The following DPH6 variants were observed in gnomAD, a reference collection of about 807,000 sequenced individuals.
The protein encoded by DPH6 is diphthine--ammonia ligase.
In DPH6, 33 loss-of-function variants were observed where a neutral mutation model predicts 38.2. That is an observed-to-expected ratio of 0.86 (90% CI 0.65 to 1.15). DPH6 has a LOEUF of 1.15. Ranked by LOEUF, DPH6 falls within the 50% of genes most tolerant of loss-of-function variation. The pLI is 0.00. For synonymous variants in DPH6, 108 were observed against 103.0 expected (o/e 1.05, Z -0.30); for missense variants, 325 against 320.0 (o/e 1.02, Z -0.12).
intron 3 of DPH6, among the ~76,000 whole-genome samples, chr15:35,526,795 T>A (rs11073101): frequency 0.63 from 95,319 of 152,024 alleles, 33,837 homozygotes; most frequent in East Asian, 0.86. Context: ...AAAATAAATT[T>A]TAATGGAAAA....
intron 3 of DPH6, among the ~76,000 whole-genome samples, chr15:35,227,252 C>T (rs767049564): frequency 4.5e-5 from 6 of 133,742 alleles, no homozygotes; most frequent in East Asian, 2.5e-4. Context: ...GGCGCGATCT[C>T]GGCTCACTGC....
chr15:35,255,550 T>C (rs150090777), intron 3 of DPH6, among the ~76,000 whole-genome samples: 1 of 152,304 alleles, frequency 6.6e-6, no homozygotes, highest in Non-Finnish European at 1.5e-5. Flanking sequence ...GAGATAAATG[T>C]TACTTTAGTT....
intron 3 of DPH6, among the ~76,000 whole-genome samples, chr15:35,360,038 G>A (rs2052600437): frequency 6.6e-6 from 1 of 151,986 alleles, no homozygotes; most frequent in Admixed American, 6.6e-5. Flanking sequence ...CTGGTTATTG[G>A]AGCTTTATTC....
In DPH6 at chr15:35,510,263, T is replaced by C. The variant is rs531544496; in HGVS notation, c.312+28011A>G. Among the ~76,000 whole-genome samples, 10 of 152,300 alleles carry C rather than the reference T, an allele frequency of 6.6e-5. 1 individual carries two copies. The South Asian group carries it at 1.0e-3, about 16-fold the overall frequency. On this transcript the variant is annotated intron_variant, in intron 3 of 8. Coordinates refer to ENST00000256538, the MANE Select transcript of DPH6 (RefSeq NM_080650.4). ...TTTTGATGATGGTCACATTTGACTA[T>C]TGTATTACAAATAATGGGCCAGCCT...
chr15:35,200,619 T>C, the DPH6 span, among the ~76,000 whole-genome samples: 1 of 151,994 alleles, frequency 6.6e-6, no homozygotes, highest in Non-Finnish European at 1.5e-5. Context: ...TGCTGTGTGC[T>C]CCCTGCTTCC....
chr15:35,327,336 CTTTTTTTTT>C (rs376483680), downstream of DPH6, among the ~76,000 whole-genome samples: 1 of 127,814 alleles, frequency 7.8e-6, no homozygotes, highest in Non-Finnish European at 1.6e-5. Context: ...GAAAAGGTTC[CTTTTTTTTT>C]TTTTTTTTTT....
At chr15:35,151,269 TGTAAC>T in the DPH6 span, among the ~76,000 whole-genome samples, 4,618 of 152,268 alleles carry the variant, frequency 0.03, 219 homozygotes, top group African/African-American at 0.1. Context: ...GTTTTTAAAA[TGTAAC>T]GTGCATTCAA....
rs577312490 is a variant in DPH6 at position 35,312,229 on chromosome 15, A to G, written n.200+61292T>C. On this transcript the variant is annotated intron_variant and non_coding_transcript_variant, in intron 3 of 3. Transcript: ENST00000560386. ...GCATTTCCAAAAGATAAATGAGCTG[A>G]AGAATAAGAAATTATTTGCTGAATG... 2.0e-5 allele frequency among the ~76,000 whole-genome samples: 3 copies of G among 152,340 alleles called. No homozygotes were observed. The East Asian group carries it at 5.8e-4, about 29-fold the overall frequency.
intron 6 of DPH6, chr15:35,396,499 G>A (rs557656105): frequency 1.3e-5 from 2 of 152,122 alleles, no homozygotes; most frequent in African/African-American, 2.4e-5. Context: ...GATACAAACT[G>A]TTCTCTTACC....
chr15:35,278,505 G>A (rs1230773974), intron 3 of DPH6, among the ~76,000 whole-genome samples: 1 of 152,248 alleles, frequency 6.6e-6, no homozygotes, highest in African/African-American at 2.4e-5. Context: ...AAGGGGACGT[G>A]TGAGGTTGGA....
At chr15:35,261,248 GTGCCATAATCACACCATTCTCTT>G in intron 3 of DPH6, among the ~76,000 whole-genome samples, 1 of 152,306 alleles carries the variant, frequency 6.6e-6, no homozygotes, top group South Asian at 2.1e-4. Flanking sequence ...TCTGAGCACG[GTGCCATAATCACACCATTCTCTT>G]TGCTGTCATG....
chr15:35,328,553 CA>C (rs2052303129), downstream of DPH6, among the ~76,000 whole-genome samples: 1 of 151,644 alleles, frequency 6.6e-6, no homozygotes, highest in Non-Finnish European at 1.5e-5. Flanking sequence ...TATGGCTGAC[CA>C]AAAGAAGAAA....
At chr15:35,450,152 G>C (rs1448020071) in intron 5 of DPH6, among the ~76,000 whole-genome samples, 5 of 152,000 alleles carry the variant, frequency 3.3e-5, no homozygotes, top group Non-Finnish European at 5.9e-5. Context: ...TAACTAATCA[G>C]ATAACTTTTT....
At chr15:35,298,767 A>C in intron 3 of DPH6, 1 of 1,386,946 alleles carries the variant, frequency 7.2e-7, no homozygotes, top group Non-Finnish European at 1.0e-6. Flanking sequence ...GCGAGGAAGG[A>C]GTTGCGCTGG....
At position 35,507,845 on chromosome 15, in the gene DPH6, T is replaced by C. The variant is rs116426184; in HGVS notation, c.312+30429A>G. On this transcript the variant is annotated intron_variant, in intron 3 of 8. Transcript: ENST00000256538. ...CTCACTCATGCAAAGATAAAAATTA[T>C]ATACATATATATTCATACAAACATA... Among the ~76,000 whole-genome samples, 369 of 152,128 alleles carry C rather than the reference T, an allele frequency of 2.4e-3. 1 individual carries two copies. Among genetic ancestry groups the C allele is most frequent in the African/African-American group, 8.5e-3 (354 of 41,502 alleles).
At chr15:35,232,616 C>A (rs1701035481) in intron 3 of DPH6, among the ~76,000 whole-genome samples, 1 of 151,276 alleles carries the variant, frequency 6.6e-6, no homozygotes, top group Admixed American at 6.6e-5. Context: ...AACAAACAAA[C>A]AACAACAATA....
intron 3 of DPH6, among the ~76,000 whole-genome samples, chr15:35,522,696 C>T (rs2054939529): frequency 6.6e-6 from 1 of 151,966 alleles, no homozygotes; most frequent in Admixed American, 6.6e-5. Context: ...GATGCCAAAT[C>T]TTCAACAAGG....
intron 3 of DPH6, among the ~76,000 whole-genome samples, chr15:35,512,656 C>T (rs2054790898): frequency 6.6e-6 from 1 of 152,004 alleles, no homozygotes; most frequent in East Asian, 1.9e-4. Flanking sequence ...GGGCAGAATG[C>T]TGTTCCCACC....
chr15:35,459,860 A>G (rs1005731922), intron 3 of DPH6, among the ~76,000 whole-genome samples: 1 of 152,248 alleles, frequency 6.6e-6, no homozygotes, highest in African/African-American at 2.4e-5. Context: ...CCCAGTATGC[A>G]CTAAGATTTA....
Sources: allele counts gnomAD v4.1 joint callset (sites outside exome capture counted in the v4.1 genomes callset), GRCh38; gene constraint gnomAD v4.1.1; transcripts MANE v1.5; gene names NCBI Gene and HGNC (gene_info 2026-07-23, HGNC 2026-07-21).